Variants in PRKD1 observed in about 807,000 individuals in gnomAD.
PRKD1 encodes protein kinase D1.
Under a neutral mutation model 95.9 loss-of-function variants are expected in PRKD1, and 63 were observed. The observed-to-expected ratio is 0.66, with a 90% confidence interval of 0.54 to 0.81. The LOEUF (loss-of-function observed/expected upper bound fraction) is 0.81. Among genes scored for constraint, PRKD1 ranks in the 30% least tolerant of loss-of-function variants. The pLI is 0.00. For missense variants in PRKD1, 1,048 were observed against 1,165.3 expected (o/e 0.90, Z 1.47); for synonymous variants, 425 against 423.1 (o/e 1.00, Z -0.05).
At chr14:29,648,949 C>A (rs140429921) in intron 4 of PRKD1, among the ~76,000 whole-genome samples, 1 of 151,748 alleles carries the variant, frequency 6.6e-6, no homozygotes, top group Non-Finnish European at 1.5e-5. Flanking sequence ...CCACCATGCC[C>A]GGCCTGGCTG....
At chr14:29,841,369 G>A (rs1022370842) in intron 1 of PRKD1, among the ~76,000 whole-genome samples, 1 of 152,102 alleles carries the variant, frequency 6.6e-6, no homozygotes, top group Admixed American at 6.5e-5. Context: ...TATATGGTTT[G>A]GTTGTGTCCT....
intron 1 of PRKD1, among the ~76,000 whole-genome samples, chr14:29,808,156 T>A (rs945937719): frequency 2.6e-5 from 4 of 152,124 alleles, no homozygotes; most frequent in African/African-American, 4.8e-5. Flanking sequence ...TTGGAGTCAA[T>A]CCTCTCAAAT....
chr14:29,663,807 G>A lies in PRKD1; in HGVS notation c.588C>T (p.Cys196=), dbSNP rs763637099. Residue 196 remains cysteine, a synonymous_variant, in exon 4 of 18, where the codon TGC becomes TGT. Coordinates refer to ENST00000331968, the MANE Select transcript of PRKD1 (RefSeq NM_002742.3). ...AGAGCCTTCTCCGCCTCACACCGCT[G>A]CAATTGTTGGGTATTTTAAATGCAC... The part of the protein sequence containing the change: ...KRCAFKIPNN[C]SGVRRRRLSN... 4 of 1,613,874 alleles carry A rather than the reference G, an allele frequency of 2.5e-6. No individual in the cohort carries two copies. The African/African-American group carries it at 5.3e-5, about 22-fold the overall frequency.
chr14:29,638,773 G>A lies in PRKD1; in HGVS notation c.828C>T (p.His276=), dbSNP rs746680862. The A allele has an allele frequency of 3.7e-6, 6 of 1,614,086 alleles. No individual in the cohort carries two copies. Among genetic ancestry groups the A allele is most frequent in the South Asian group, 3.3e-5 (3 of 91,082 alleles). ...KVKVPHTFVI[H]SYTRPTVCQY... ...GGCACACTGTGGGCCGGGTGTAGGA[G>A]TGGATGACAAATGTGTGCGGCACTT... Residue 276 remains histidine (H), a synonymous_variant, in exon 5 of 18, where the codon CAC becomes CAT. Transcript: ENST00000331968.
rs1253809020 is a variant in PRKD1, at chr14:29,909,287, AC to A, written c.264+17961del. 7.8e-3 allele frequency among the ~76,000 whole-genome samples: 465 copies of A among 59,782 alleles called. 2 individuals carry two copies. Among genetic ancestry groups the A allele is most frequent in the African/African-American group, 0.026 (412 of 16,022 alleles). 39.2% of individuals were successfully genotyped at this position (59,782 alleles called of 152,430 possible). ...CATGCCCGAGCCTCCCCCCTACCCA[AC>A]CCCCCCCGCCCCCCATGGGCTCCTG... On this transcript the variant is annotated intron_variant, in intron 1 of 17. Transcript: ENST00000331968.
intron 2 of PRKD1, among the ~76,000 whole-genome samples, chr14:29,708,444 A>G (rs1476077175): frequency 6.6e-6 from 1 of 152,210 alleles, no homozygotes; most frequent in Non-Finnish European, 1.5e-5. Context: ...AATTAATTTC[A>G]AAATGTATTG....
At chr14:29,852,220 C>T (rs1339972610) in intron 1 of PRKD1, among the ~76,000 whole-genome samples, 1 of 151,812 alleles carries the variant, frequency 6.6e-6, no homozygotes, top group Non-Finnish European at 1.5e-5. Context: ...ATATTATACC[C>T]CTTGAATCTA....
intron 13 of PRKD1, among the ~76,000 whole-genome samples, chr14:29,612,263 T>C (rs1399512735): frequency 6.6e-6 from 1 of 152,204 alleles, no homozygotes; most frequent in East Asian, 1.9e-4. Flanking sequence ...ATGGGATTTC[T>C]CAGAATTGTT....
intron 1 of PRKD1, among the ~76,000 whole-genome samples, chr14:29,768,142 C>A (rs1476116350): frequency 1.3e-5 from 2 of 152,112 alleles, no homozygotes; most frequent in Admixed American, 1.3e-4. Flanking sequence ...ACACATTGAC[C>A]CATTAACAGT....
At chr14:29,615,667 G>T (rs1878805127) in intron 13 of PRKD1, among the ~76,000 whole-genome samples, 1 of 152,102 alleles carries the variant, frequency 6.6e-6, no homozygotes, top group South Asian at 2.1e-4. Context: ...CTAACTACTT[G>T]TATCTGACTG....
chr14:29,802,311 A>C (rs28417032), intron 1 of PRKD1, among the ~76,000 whole-genome samples: 7,964 of 152,282 alleles, frequency 0.052, 595 homozygotes, highest in African/African-American at 0.16. Context: ...TAGATTAAGA[A>C]AGGAAGAAGA....
intron 1 of PRKD1, among the ~76,000 whole-genome samples, chr14:29,741,804 A>C (rs1397512164): frequency 6.6e-6 from 1 of 152,100 alleles, no homozygotes; most frequent in Admixed American, 6.5e-5. Flanking sequence ...CATTATATCT[A>C]TATATCTTGT....
chr14:29,601,453 C>A (rs3783300), intron 13 of PRKD1, among the ~76,000 whole-genome samples: 65,356 of 151,950 alleles, frequency 0.43, 14,582 homozygotes, highest in African/African-American at 0.54. Flanking sequence ...ACACATCTAC[C>A]CAATAGCCTT....
intron 2 of PRKD1, among the ~76,000 whole-genome samples, chr14:29,718,284 T>A (rs953220486): frequency 7.9e-5 from 12 of 152,132 alleles, no homozygotes; most frequent in Admixed American, 3.9e-4. Context: ...TCACAAGATC[T>A]GATGGTTTTA....
At chr14:29,635,950 A>T (rs914461934) in intron 7 of PRKD1, among the ~76,000 whole-genome samples, 3 of 152,006 alleles carry the variant, frequency 2.0e-5, no homozygotes, top group Non-Finnish European at 4.4e-5. Context: ...GCTGAGTTTG[A>T]TCTTGATTTT....
rs544757385 is a variant in PRKD1, at chr14:29,630,693, G to C, written c.1672+49C>G. On this transcript the variant is annotated intron_variant, in intron 10 of 17. Coordinates refer to ENST00000331968, the MANE Select transcript of PRKD1 (RefSeq NM_002742.3). ...CAGGGCACATGTTTACTAAGCAAGGGGTAGGCACATGATGAGCTTTGGGCT... is the reference window on the plus strand; with the variant it reads ...CAGGGCACATGTTTACTAAGCAAGGCGTAGGCACATGATGAGCTTTGGGCT... 1.9e-6 allele frequency: 3 copies of C among 1,609,934 alleles called. No individual in the cohort carries two copies. The Admixed American group carries it at 5.0e-5, about 27-fold the overall frequency.
intron 1 of PRKD1, among the ~76,000 whole-genome samples, chr14:29,840,202 T>C (rs1891778925): frequency 6.6e-6 from 1 of 152,180 alleles, no homozygotes. Flanking sequence ...TGGAAATTTC[T>C]TCTGCCAGAT....
At chr14:29,742,242 G>C (rs1399782656) in intron 1 of PRKD1, among the ~76,000 whole-genome samples, 1 of 152,202 alleles carries the variant, frequency 6.6e-6, no homozygotes, top group African/African-American at 2.4e-5. Context: ...GAGGAAAGGA[G>C]AGCCAAAGAC....
intron 16 of PRKD1, among the ~76,000 whole-genome samples, chr14:29,588,064 A>T (rs1380295168): frequency 3.3e-5 from 5 of 152,196 alleles, no homozygotes; most frequent in African/African-American, 1.2e-4. Flanking sequence ...ATTAATATTC[A>T]GCAGGCTCGC....
Sources: gnomAD v4.1 joint callset for allele counts (sites outside exome capture counted in the v4.1 genomes callset) on GRCh38, gnomAD v4.1.1 for gene constraint, MANE v1.5 for transcripts, NCBI Gene and HGNC (gene_info 2026-07-23, HGNC 2026-07-21) for gene names.